The following CADPS2 variants were observed in gnomAD, a reference collection of about 807,000 sequenced individuals.
CADPS2 encodes the protein calcium-dependent secretion activator 2.
CADPS2 carries 93 observed loss-of-function variants against 172.5 expected under a neutral mutation model. That is an observed-to-expected ratio of 0.54 (90% CI 0.46 to 0.64). The LOEUF (loss-of-function observed/expected upper bound fraction) is 0.64. CADPS2 is among the 30% of genes least tolerant of loss of function. CADPS2 has a pLI of 0.00. For synonymous variants in CADPS2, 546 were observed against 555.2 expected, an observed-to-expected ratio of 0.98 and a Z score of 0.23; for missense variants, 1,420 against 1,565.9, an observed-to-expected ratio of 0.91 and a Z score of 1.57.
chr7:122,573,740 C>T (rs931462889), intron 7 of CADPS2, among the ~76,000 whole-genome samples: 2 of 152,040 alleles, frequency 1.3e-5, no homozygotes, highest in Non-Finnish European at 2.9e-5. Flanking sequence ...AATAAAAGTG[C>T]ACTGGCAGCC....
chr7:122,552,341 T>C (rs2064403057), intron 8 of CADPS2, among the ~76,000 whole-genome samples: 1 of 152,128 alleles, frequency 6.6e-6, no homozygotes, highest in African/African-American at 2.4e-5. Flanking sequence ...CTCTTAGCAA[T>C]GTTAGATAAT....
chr7:122,535,660 G>A (rs1365663805), intron 8 of CADPS2, among the ~76,000 whole-genome samples: 2 of 151,974 alleles, frequency 1.3e-5, no homozygotes, highest in Non-Finnish European at 2.9e-5. Flanking sequence ...GAATATTGCT[G>A]TATCATTGAT....
chr7:122,628,243 G>A (rs2076262944), intron 4 of CADPS2, among the ~76,000 whole-genome samples: 1 of 151,786 alleles, frequency 6.6e-6, no homozygotes, highest in African/African-American at 2.4e-5. Context: ...AAAACATTAT[G>A]TATTAATATT....
chr7:122,603,741 C>A (rs1053095765), intron 6 of CADPS2, among the ~76,000 whole-genome samples: 13 of 152,012 alleles, frequency 8.6e-5, no homozygotes, highest in African/African-American at 2.2e-4. Context: ...CTGATAAATA[C>A]CCACTATAAT....
intron 1 of CADPS2, among the ~76,000 whole-genome samples, chr7:122,742,484 T>C (rs1254918161): frequency 6.6e-6 from 1 of 152,004 alleles, no homozygotes; most frequent in African/African-American, 2.4e-5. Flanking sequence ...CAAATGAAAC[T>C]CACTACAATA....
chr7:122,865,196 C>A (rs1023620572), intron 1 of CADPS2, among the ~76,000 whole-genome samples: 1 of 152,194 alleles, frequency 6.6e-6, no homozygotes, highest in Non-Finnish European at 1.5e-5. Context: ...TCTGCATACA[C>A]TAGCAACACT....
chr7:122,691,777 T>G (rs2084402857), intron 2 of CADPS2, among the ~76,000 whole-genome samples: 1 of 152,070 alleles, frequency 6.6e-6, no homozygotes, highest in Admixed American at 6.5e-5. Flanking sequence ...TGTCAAGCAG[T>G]CCAGCAAGTC....
chr7:122,591,263 G>A (rs1346495329), intron 6 of CADPS2, among the ~76,000 whole-genome samples: 1 of 151,996 alleles, frequency 6.6e-6, no homozygotes, highest in Non-Finnish European at 1.5e-5. Context: ...AAAATACTTA[G>A]GAATCCAACT....
intron 8 of CADPS2, among the ~76,000 whole-genome samples, chr7:122,551,443 T>A (rs2064278168): frequency 6.6e-6 from 1 of 151,948 alleles, no homozygotes; most frequent in Non-Finnish European, 1.5e-5. Context: ...CACAGAAAAA[T>A]ATAAATAACA....
intron 27 of CADPS2, among the ~76,000 whole-genome samples, chr7:122,349,829 C>T (rs561915352): frequency 6.6e-6 from 1 of 152,300 alleles, no homozygotes; most frequent in East Asian, 1.9e-4. Flanking sequence ...CCCACAGGTG[C>T]AAGTCTTCGC....
intron 2 of CADPS2, among the ~76,000 whole-genome samples, chr7:122,715,300 T>C (rs1233487428): frequency 6.6e-6 from 1 of 152,108 alleles, no homozygotes; most frequent in Non-Finnish European, 1.5e-5. Flanking sequence ...CCTTTCTCAG[T>C]CTTTGGCAGC....
chr7:122,460,899 G>A (rs2054356722), intron 14 of CADPS2, among the ~76,000 whole-genome samples: 2 of 152,150 alleles, frequency 1.3e-5, no homozygotes, highest in South Asian at 4.1e-4. Context: ...GAGAACTGAA[G>A]AAATAGAGTA....
intron 16 of CADPS2, chr7:122,439,228 A>G (rs922763046): frequency 4.6e-5 from 7 of 152,168 alleles, no homozygotes; most frequent in African/African-American, 9.7e-5. Flanking sequence ...TGTATTTATA[A>G]ACACTGTTAC....
intron 14 of CADPS2, among the ~76,000 whole-genome samples, chr7:122,458,186 T>C (rs573144455): frequency 3.3e-5 from 5 of 152,300 alleles, no homozygotes; most frequent in South Asian, 4.1e-4. Flanking sequence ...TATTTCTGAA[T>C]TGTCAATTCT....
intron 1 of CADPS2, among the ~76,000 whole-genome samples, chr7:122,788,905 A>C (rs952550258): frequency 6.6e-6 from 1 of 152,190 alleles, no homozygotes; most frequent in African/African-American, 2.4e-5. Context: ...GGCCTGCTTC[A>C]GCAATGAAAA....
chr7:122,633,303 T>C (rs1159062788), intron 3 of CADPS2, among the ~76,000 whole-genome samples: 2 of 152,194 alleles, frequency 1.3e-5, no homozygotes, highest in East Asian at 3.8e-4. Flanking sequence ...CGTTTAATGA[T>C]ACTGATTTTT....
At chr7:122,370,054 C>T (rs150002018) in intron 25 of CADPS2, among the ~76,000 whole-genome samples, 159 of 152,270 alleles carry the variant, frequency 1.0e-3, no homozygotes, top group Admixed American at 2.0e-3. Flanking sequence ...TGCAGTTTCT[C>T]TTACTTAAAT....
At chr7:122,531,021 G>T (rs1012669952) in intron 8 of CADPS2, among the ~76,000 whole-genome samples, 1 of 152,162 alleles carries the variant, frequency 6.6e-6, no homozygotes, top group Non-Finnish European at 1.5e-5. Flanking sequence ...ACAACTAAGA[G>T]TTAAGTAGTA....
At chr7:122,366,244 G>C (rs1384549548) in intron 25 of CADPS2, among the ~76,000 whole-genome samples, 1 of 151,660 alleles carries the variant, frequency 6.6e-6, no homozygotes, top group Non-Finnish European at 1.5e-5. Flanking sequence ...CACAGTTCCA[G>C]AATATCATGA....
Sources: allele counts gnomAD v4.1 joint callset (sites outside exome capture counted in the v4.1 genomes callset), GRCh38; gene constraint gnomAD v4.1.1; transcripts MANE v1.5; gene names NCBI Gene and HGNC (gene_info 2026-07-23, HGNC 2026-07-21).